NEBL: variants seen among roughly 807,000 people sequenced by gnomAD.
NEBL encodes LIM and SH3 protein 2.
Under a neutral mutation model 140.2 loss-of-function variants are expected in NEBL, and 122 were observed. The observed-to-expected ratio is 0.87, with a 90% CI of 0.75 to 1.01. NEBL has a LOEUF of 1.01. Ranked by LOEUF, NEBL falls within the 50% of genes least tolerant of loss-of-function variation. NEBL has a pLI of 0.00. For synonymous variants in NEBL, 436 were observed against 398.9 expected, an observed-to-expected ratio of 1.09 and a Z score of -1.11; for missense variants, 1,365 against 1,231.3, an observed-to-expected ratio of 1.11 and a Z score of -1.62.
intron 2 of NEBL, among the ~76,000 whole-genome samples, chr10:21,141,129 C>T (rs957106531): frequency 6.6e-6 from 1 of 150,758 alleles, no homozygotes; most frequent in African/African-American, 2.4e-5. Context: ...AAGAAATGTC[C>T]CAGATTAAAG....
At chr10:20,855,520 CA>C (rs753066690) in intron 9 of NEBL, among the ~76,000 whole-genome samples, 12,289 of 79,714 alleles carry the variant, frequency 0.15, 743 homozygotes, top group East Asian at 0.27. Context: ...GAAAACAAAA[CA>C]AAACAAAAAA....
chr10:20,984,889 G>A (rs929657944), intron 3 of NEBL, among the ~76,000 whole-genome samples: 19 of 152,040 alleles, frequency 1.2e-4, no homozygotes, highest in Middle Eastern at 3.2e-3. Context: ...TCAGATCAGC[G>A]GTGGCATTAG....
At chr10:20,807,418 C>T (rs1837705538) in intron 26 of NEBL, among the ~76,000 whole-genome samples, 1 of 152,140 alleles carries the variant, frequency 6.6e-6, no homozygotes, top group Non-Finnish European at 1.5e-5. Flanking sequence ...CACAATAAAA[C>T]AACCAGTTTA....
chr10:21,065,716 A>AT (rs1835503291), intron 2 of NEBL, among the ~76,000 whole-genome samples: 1 of 152,150 alleles, frequency 6.6e-6, no homozygotes, highest in African/African-American at 2.4e-5. Context: ...GCCACTCTAT[A>AT]TTAGTCTTTA....
chr10:20,925,492 C>T (rs923880067), intron 4 of NEBL, among the ~76,000 whole-genome samples: 7 of 152,090 alleles, frequency 4.6e-5, no homozygotes, highest in African/African-American at 1.7e-4. Flanking sequence ...TGTCCTTTTT[C>T]CCAAAGCGTC....
chr10:21,102,848 C>G (rs1837536446), intron 2 of NEBL, among the ~76,000 whole-genome samples: 1 of 151,930 alleles, frequency 6.6e-6, no homozygotes, highest in South Asian at 2.1e-4. Flanking sequence ...TTTTATAGTT[C>G]CAGGGTACAT....
intron 3 of NEBL, among the ~76,000 whole-genome samples, chr10:20,992,374 C>G (rs1413087152): frequency 6.6e-6 from 1 of 152,150 alleles, no homozygotes; most frequent in Non-Finnish European, 1.5e-5. Flanking sequence ...GGCATGTGAC[C>G]TAGGCAGCAT....
chr10:21,020,103 C>G, intron 3 of NEBL: 1 of 1,607,636 alleles, frequency 6.2e-7, no homozygotes, highest in East Asian at 2.2e-5. Context: ...CAAAACAAAT[C>G]TTCTAGAAGT....
chr10:20,896,389 T>C (rs1847475779), intron 2 of NEBL, among the ~76,000 whole-genome samples: 1 of 149,616 alleles, frequency 6.7e-6, no homozygotes, highest in African/African-American at 2.5e-5. Flanking sequence ...ACAACAAAAA[T>C]ACCCCTTGCA....
upstream of NEBL, among the ~76,000 whole-genome samples, chr10:21,293,050 T>C (rs964446879): frequency 2.1e-4 from 32 of 152,174 alleles, no homozygotes; most frequent in Non-Finnish European, 2.8e-4. Flanking sequence ...CTCAACAACA[T>C]AGCACGTTGC....
chr10:20,917,697 C>T (rs1833372699), intron 4 of NEBL, among the ~76,000 whole-genome samples: 1 of 152,198 alleles, frequency 6.6e-6, no homozygotes, highest in Admixed American at 6.5e-5. Flanking sequence ...CTCTAAACAT[C>T]ATGTAAAACA....
At chr10:20,837,857 A>C (rs1841042255) in intron 13 of NEBL, among the ~76,000 whole-genome samples, 1 of 152,176 alleles carries the variant, frequency 6.6e-6, no homozygotes, top group Non-Finnish European at 1.5e-5. Context: ...TTATAAATGG[A>C]ATAACAAAGC....
chr10:20,942,763 C>T (rs1031472299), intron 4 of NEBL, among the ~76,000 whole-genome samples: 2 of 152,010 alleles, frequency 1.3e-5, no homozygotes, highest in Non-Finnish European at 2.9e-5. Context: ...ACAACCCCAT[C>T]AAAAAGTGGG....
At chr10:21,082,407 ACACTAAAATATTTGG>A (rs1836406519) in intron 2 of NEBL, among the ~76,000 whole-genome samples, 1 of 152,114 alleles carries the variant, frequency 6.6e-6, no homozygotes, top group Non-Finnish European at 1.5e-5. Context: ...TGAGAAATAC[ACACTAAAATATTTGG>A]CAATGAGGAA....
intron 3 of NEBL, among the ~76,000 whole-genome samples, chr10:21,198,376 G>T (rs559964465): frequency 7.9e-5 from 12 of 152,262 alleles, no homozygotes; most frequent in African/African-American, 2.4e-4. Flanking sequence ...TTGGTCTTCA[G>T]GCTGCTGCTT....
intron 2 of NEBL, among the ~76,000 whole-genome samples, chr10:21,049,856 A>G (rs1834693507): frequency 6.6e-6 from 1 of 152,170 alleles, no homozygotes; most frequent in South Asian, 2.1e-4. Flanking sequence ...TTTTCCTTCC[A>G]ATTTTATTTA....
intron 2 of NEBL, among the ~76,000 whole-genome samples, chr10:21,101,911 T>G (rs911201920): frequency 6.6e-6 from 1 of 152,244 alleles, no homozygotes; most frequent in African/African-American, 2.4e-5. Flanking sequence ...CTAGCCAGCA[T>G]CTATTTACTG....
At chr10:21,037,001 C>T (rs968790912) in intron 2 of NEBL, among the ~76,000 whole-genome samples, 11 of 152,156 alleles carry the variant, frequency 7.2e-5, no homozygotes, top group African/African-American at 2.4e-4. Flanking sequence ...CTGTTCCCAC[C>T]TGTGCACTTT....
At chr10:21,031,856 A>T (rs959103506) in intron 2 of NEBL, among the ~76,000 whole-genome samples, 2 of 152,214 alleles carry the variant, frequency 1.3e-5, no homozygotes, top group African/African-American at 2.4e-5. Flanking sequence ...TTTATTCCCT[A>T]TAAAAAAATT....
Sources: allele counts gnomAD v4.1 joint callset (sites outside exome capture counted in the v4.1 genomes callset), GRCh38; gene constraint gnomAD v4.1.1; transcripts MANE v1.5; gene names NCBI Gene and HGNC (gene_info 2026-07-23, HGNC 2026-07-21).